Variants in RP1L1 observed in about 807,000 individuals in gnomAD.
RP1L1 encodes RP1 like 1.
A neutral mutation model predicts 15.7 loss-of-function variants in RP1L1; 27 were observed. The ratio of observed to expected loss-of-function variants is 1.72; its 90% CI spans 1.27 to 2.38. The LOEUF is 2.38. Among genes scored for constraint, RP1L1 ranks in the 30% most tolerant of loss-of-function variants. The probability of loss-of-function intolerance (pLI) is 0.00; values close to 1 mark genes in which losing one functional copy is unlikely to be tolerated. For synonymous variants in RP1L1, 1,813 were observed against 1,276.7 expected, an observed-to-expected ratio of 1.42 and a Z score of -8.96; for missense variants, 4,798 against 3,075.9, an observed-to-expected ratio of 1.56 and a Z score of -13.24.
chr8:10,620,159 T>C (rs1798035859), intron 2 of RP1L1, among the ~76,000 whole-genome samples: 1 of 152,160 alleles, frequency 6.6e-6, no homozygotes, highest in Admixed American at 6.6e-5. Context: ...GCAGTTTTGG[T>C]GTCTGCAAGC....
intron 1 of RP1L1, among the ~76,000 whole-genome samples, chr8:10,627,833 C>T (rs1178707029): frequency 6.6e-6 from 1 of 152,066 alleles, no homozygotes; most frequent in Non-Finnish European, 1.5e-5. Flanking sequence ...GCAGTAAATT[C>T]AGATGGAGAG....
Position 10,623,170 on chromosome 8 carries a change from G to A in RP1L1, c.32C>T (p.Pro11Leu), listed in dbSNP as rs199642627. The change falls in exon 2 of 4, where the codon CCG becomes CTG. Residue 11 changes from proline to leucine, a missense_variant. Physicochemically the swap from Pro to Leu is moderately conservative, Grantham distance 98. Coordinates refer to ENST00000382483, the MANE Select transcript of RP1L1 (RefSeq NM_178857.6). ...GGGCAGGAAGCACTCACGGTGGCTCGGGGCCTGGGCATTCCTGGGGGTGCT... is the reference window on the plus strand; with the variant it reads ...GGGCAGGAAGCACTCACGGTGGCTCAGGGCCTGGGCATTCCTGGGGGTGCT... MNSTPRNAQA[P>L]SHRECFLPSV... The A allele has an allele frequency of 5.7e-4, 906 of 1,581,532 alleles. 2 individuals carry two copies. The African/African-American group carries it at 6.5e-3, about 11-fold the overall frequency.
rs932634871 is a variant in RP1L1, at chr8:10,610,535, G to T, written c.3563C>A (p.Ala1188Asp). The change falls in exon 4 of 4, where the codon GCC becomes GAC. Residue 1188 changes from alanine (A) to aspartate (D), a missense_variant. Coordinates refer to ENST00000382483, the MANE Select transcript of RP1L1 (RefSeq NM_178857.6). ...SQALPDLGSHAMTENFTPTSS... is the reference protein window; with the variant it reads ...SQALPDLGSHDMTENFTPTSS... ...TGTGGGCGTGAAGTTCTCCGTCATG[G>T]CATGGGACCCAAGGTCTGGCAGAGC... is the stretch of plus-strand genomic sequence containing the variant. 2.5e-6 allele frequency: 4 copies of T among 1,613,718 alleles called. No individual in the cohort carries two copies. The highest frequency in any genetic ancestry group is 1.6e-4 in the Middle Eastern group (1 of 6,062).
chr8:10,637,819 G>C (rs1308267193), intron 1 of RP1L1, among the ~76,000 whole-genome samples: 1 of 152,220 alleles, frequency 6.6e-6, no homozygotes, highest in Non-Finnish European at 1.5e-5. Flanking sequence ...GAGGAAAAAT[G>C]GATCAGCTTC....
chr8:10,631,260 CACGCACACAA>C (rs1798238379), intron 1 of RP1L1, among the ~76,000 whole-genome samples: 2 of 151,574 alleles, frequency 1.3e-5, no homozygotes, highest in African/African-American at 2.4e-5. Flanking sequence ...CATGCACACA[CACGCACACAA>C]ACACGCATGC....
intron 2 of RP1L1, among the ~76,000 whole-genome samples, chr8:10,622,080 G>C (rs1012010021): frequency 6.6e-6 from 1 of 152,034 alleles, no homozygotes; most frequent in African/African-American, 2.4e-5. Flanking sequence ...CCAGCACTTT[G>C]GGAGGCCGAA....
chr8:10,617,723 A>T (rs2117215781), intron 2 of RP1L1, among the ~76,000 whole-genome samples: 1 of 151,664 alleles, frequency 6.6e-6, no homozygotes, highest in East Asian at 1.9e-4. Flanking sequence ...TACTCAGCTA[A>T]TTTTTTGTAT....
rs1797709442 is a variant in RP1L1, at chr8:10,606,786, C to T, written c.*109G>A. 6.4e-7 allele frequency: 1 copy of T among 1,566,112 alleles called. No homozygotes were observed. Among genetic ancestry groups the T allele is most frequent in the South Asian group, 1.2e-5 (1 of 85,810 alleles). The stretch of plus-strand genomic sequence containing the variant: ...CCTTGGCAAGTCCTTGGTCTTTGTC[C>T]ATGTACTATGGACATCTCCAGTGGA... On this transcript the variant is annotated 3_prime_UTR_variant, in exon 4 of 4. Coordinates refer to ENST00000382483, the MANE Select transcript of RP1L1 (RefSeq NM_178857.6).
chr8:10,652,044 C>T (rs2117272638), intron 1 of RP1L1, among the ~76,000 whole-genome samples: 1 of 152,308 alleles, frequency 6.6e-6, no homozygotes, highest in South Asian at 2.1e-4. Flanking sequence ...CCATGCTGTA[C>T]AGGTTTGTAA....
chr8:10,638,021 G>A (rs917778393), intron 1 of RP1L1, among the ~76,000 whole-genome samples: 10 of 152,204 alleles, frequency 6.6e-5, no homozygotes, highest in African/African-American at 2.4e-4. Context: ...CTGGTGGCTT[G>A]CGAGACCAGA....
chr8:10,637,849 A>C (rs377436095), intron 1 of RP1L1, among the ~76,000 whole-genome samples: 60 of 152,358 alleles, frequency 3.9e-4, no homozygotes, highest in African/African-American at 1.4e-3. Context: ...AGATGCTCAG[A>C]GATCTGAAAG....
At chr8:10,644,318 G>A (rs930828654) in intron 1 of RP1L1, among the ~76,000 whole-genome samples, 8 of 151,628 alleles carry the variant, frequency 5.3e-5, no homozygotes, top group African/African-American at 1.9e-4. Flanking sequence ...GCTAGACAAG[G>A]CAGTCTCTAG....
At chr8:10,634,177 G>GA (rs1798296054) in intron 1 of RP1L1, among the ~76,000 whole-genome samples, 1 of 152,108 alleles carries the variant, frequency 6.6e-6, no homozygotes, top group South Asian at 2.1e-4. Context: ...CCTGCCACAG[G>GA]AAAAAAGAGT....
At chr8:10,636,998 G>A (rs1798339479) in intron 1 of RP1L1, among the ~76,000 whole-genome samples, 1 of 152,180 alleles carries the variant, frequency 6.6e-6, no homozygotes, top group Admixed American at 6.5e-5. Flanking sequence ...CTCTACGTGG[G>A]GCCACTCTGC....
intron 1 of RP1L1, among the ~76,000 whole-genome samples, chr8:10,653,981 T>C (rs1373664441): frequency 1.3e-5 from 2 of 152,076 alleles, no homozygotes; most frequent in East Asian, 3.9e-4. Context: ...GTGCAGCAGC[T>C]GGGGAGGGAG....
chr8:10,617,560 T>C (rs1797989689), intron 2 of RP1L1, among the ~76,000 whole-genome samples: 2 of 125,036 alleles, frequency 1.6e-5, no homozygotes, highest in South Asian at 2.9e-4. Flanking sequence ...TTTTTTTTTT[T>C]TTTTTTTTTT....
At chr8:10,631,218 CACACAA>C (rs1333043447) in intron 1 of RP1L1, among the ~76,000 whole-genome samples, 12 of 151,874 alleles carry the variant, frequency 7.9e-5, no homozygotes, top group African/African-American at 2.9e-4. Flanking sequence ...CACACACACA[CACACAA>C]ACGCACACAC....
Position 10,606,993 on chromosome 8 carries a change from C to T in RP1L1, c.7105G>A (p.Gly2369Ser), listed in dbSNP as rs758336283. The T allele has an allele frequency of 3.7e-6, 6 of 1,614,098 alleles. No individual in the cohort carries two copies. The African/African-American group carries it at 5.3e-5, about 14-fold the overall frequency. Residue 2369 changes from glycine (G) to serine (S), a missense_variant, in exon 4 of 4, where the codon GGT becomes AGT. By Grantham distance (56) the Gly-to-Ser change is moderately conservative. Transcript: ENST00000382483. ...GCCTGGTCCTCTTGTAGGTCATAACCTTCACTGGCCCCCTGCTCTGGAGTC... is the reference window on the plus strand; with the variant it reads ...GCCTGGTCCTCTTGTAGGTCATAACTTTCACTGGCCCCCTGCTCTGGAGTC... ...SRTPEQGASE[G>S]YDLQEDQALG...
chr8:10,635,542 G>A (rs1207701670), intron 1 of RP1L1, among the ~76,000 whole-genome samples: 2 of 152,196 alleles, frequency 1.3e-5, no homozygotes, highest in East Asian at 1.9e-4. Context: ...GCATGGTCAC[G>A]AAAGAAGACC....
Sources: allele counts gnomAD v4.1 joint callset (sites outside exome capture counted in the v4.1 genomes callset), GRCh38; gene constraint gnomAD v4.1.1; transcripts MANE v1.5; gene names NCBI Gene and HGNC (gene_info 2026-07-23, HGNC 2026-07-21).